Variants in ERC1 observed in about 807,000 individuals in gnomAD.
ERC1 encodes RAB6 interacting protein 2.
ERC1 carries 56 observed loss-of-function variants against 132.0 expected under a neutral mutation model. That is an observed-to-expected ratio of 0.42 (90% CI 0.34 to 0.53). The LOEUF (loss-of-function observed/expected upper bound fraction) is 0.53, where lower values mean the gene tolerates loss of function less well. Ranked by LOEUF, ERC1 falls within the 20% of genes least tolerant of loss-of-function variation. The pLI, the probability that ERC1 is intolerant of heterozygous loss-of-function variation, is 0.03. For missense variants in ERC1, 1,202 were observed against 1,349.9 expected (o/e 0.89, Z 1.72); for synonymous variants, 478 against 476.1 (o/e 1.00, Z -0.05).
At chr12:1,033,415 C>T (rs1968446883) in intron 2 of ERC1, among the ~76,000 whole-genome samples, 2 of 152,090 alleles carry the variant, frequency 1.3e-5, no homozygotes, top group African/African-American at 4.8e-5. Context: ...AGGTAATCCA[C>T]CTGCCTTGGC....
At chr12:1,296,010 GAAA>G (rs77971645) in intron 15 of ERC1, among the ~76,000 whole-genome samples, 7 of 90,478 alleles carry the variant, frequency 7.7e-5, no homozygotes, top group African/African-American at 2.4e-4. Context: ...TGGTTTAACA[GAAA>G]AAAAAAAAAA....
intron 7 of ERC1, among the ~76,000 whole-genome samples, chr12:1,118,457 G>A (rs1322105300): frequency 6.6e-6 from 1 of 152,176 alleles, no homozygotes. Flanking sequence ...TGTCATTCAT[G>A]AATGGTTTTT....
chr12:1,158,628 G>A (rs1593813995), intron 8 of ERC1, among the ~76,000 whole-genome samples: 1 of 139,404 alleles, frequency 7.2e-6, no homozygotes, highest in South Asian at 2.2e-4. Flanking sequence ...TTTTTTTATA[G>A]TTTTAGTAGA....
At position 1,490,392 on chromosome 12, in the gene ERC1, A is replaced by G. The variant is rs1460127567; in HGVS notation, c.*162A>G. ...TTCCAGCACCGTTTCTACATCTGCC[A>G]TCTTACTCTGCCTTTCTGCTTTGGA... On this transcript the variant is annotated 3_prime_UTR_variant, in exon 19 of 19. Transcript: ENST00000360905. 2 of 669,954 alleles carry G rather than the reference A, an allele frequency of 3.0e-6. No individual in the cohort carries two copies. Among genetic ancestry groups the G allele is most frequent in the Non-Finnish European group, 5.0e-6 (2 of 399,760 alleles). 41.5% of individuals were successfully genotyped at this position (669,954 alleles called of 1,614,324 possible). A position where few individuals can be genotyped will look rare whatever the true frequency, so the allele number is the denominator to read the frequency against.
intron 7 of ERC1, among the ~76,000 whole-genome samples, chr12:1,130,799 G>A (rs913939366): frequency 1.3e-5 from 2 of 152,104 alleles, no homozygotes; most frequent in Admixed American, 1.3e-4. Context: ...GGTCTGTAAT[G>A]CTGTCAGTCC....
chr12:1,048,687 T>C (rs1361393318), intron 2 of ERC1, among the ~76,000 whole-genome samples: 2 of 152,248 alleles, frequency 1.3e-5, no homozygotes, highest in African/African-American at 4.8e-5. Context: ...TGTTGTATTA[T>C]AAAAATTTTT....
At chr12:1,400,908 ATTTTTGTATTTTTTTTTTTTTTTT>A (rs1278974562) in intron 16 of ERC1, among the ~76,000 whole-genome samples, 921 of 43,382 alleles carry the variant, frequency 0.021, 70 homozygotes, top group African/African-American at 0.058. Context: ...TGTTTTGGCT[ATTTTTGTATTTTTTTTTTTTTTTT>A]TTTTTTTTTT....
intron 8 of ERC1, 71 bp downstream of exon 8, chr12:1,141,858 C>A: frequency 8.3e-7 from 1 of 1,212,044 alleles, no homozygotes; most frequent in South Asian, 2.2e-5. Context: ...TAAGTTATTT[C>A]TAAATGCTGT....
At chr12:1,372,851 A>G (rs1017993400) in intron 16 of ERC1, among the ~76,000 whole-genome samples, 11 of 152,188 alleles carry the variant, frequency 7.2e-5, no homozygotes, top group African/African-American at 2.7e-4. Flanking sequence ...ATTTTCTTCT[A>G]TTTTTGGAGG....
chr12:1,066,116 G>A (rs1044215018), intron 2 of ERC1, among the ~76,000 whole-genome samples: 11 of 152,284 alleles, frequency 7.2e-5, no homozygotes, highest in African/African-American at 2.4e-4. Context: ...CACTGTGAAC[G>A]TACTAAATGT....
chr12:1,362,857 T>C (rs918356696), intron 15 of ERC1, among the ~76,000 whole-genome samples: 3 of 152,242 alleles, frequency 2.0e-5, no homozygotes, highest in African/African-American at 7.2e-5. Flanking sequence ...TGGTTTAAAA[T>C]GGTCAATTTT....
intron 13 of ERC1, among the ~76,000 whole-genome samples, chr12:1,253,915 A>C (rs2076625218): frequency 6.6e-6 from 1 of 152,144 alleles, no homozygotes; most frequent in Non-Finnish European, 1.5e-5. Context: ...TAAGGAGATG[A>C]GGGATTCTTT....
At chr12:1,260,968 G>T (rs2077105565) in intron 13 of ERC1, among the ~76,000 whole-genome samples, 1 of 152,174 alleles carries the variant, frequency 6.6e-6, no homozygotes, top group Non-Finnish European at 1.5e-5. Context: ...ATAAGGCTGT[G>T]AACACTGAGC....
intron 17 of ERC1, chr12:1,430,650 A>G (rs12312261): frequency 0.49 from 75,271 of 152,350 alleles, 22,310 homozygotes; most frequent in African/African-American, 0.84. Flanking sequence ...AAAGTGCTGG[A>G]ATTACAGGCA....
intron 8 of ERC1, among the ~76,000 whole-genome samples, chr12:1,170,347 A>G (rs1952921690): frequency 6.6e-6 from 1 of 152,168 alleles, no homozygotes; most frequent in East Asian, 1.9e-4. Flanking sequence ...TTTTTTAAAA[A>G]ATTAAGCCTC....
intron 12 of ERC1, among the ~76,000 whole-genome samples, chr12:1,216,626 G>A (rs1017992969): frequency 1.4e-4 from 19 of 134,758 alleles, no homozygotes; most frequent in Non-Finnish European, 2.6e-4. Context: ...GGGGGGTGGG[G>A]GGCGGGGGGA....
At chr12:1,250,336 T>C (rs954868479) in intron 13 of ERC1, among the ~76,000 whole-genome samples, 4 of 152,226 alleles carry the variant, frequency 2.6e-5, no homozygotes, top group African/African-American at 9.6e-5. Context: ...CATTGTTCCT[T>C]AGCCTGAATG....
intron 15 of ERC1, among the ~76,000 whole-genome samples, chr12:1,301,425 T>C (rs2080392601): frequency 6.6e-6 from 1 of 152,168 alleles, no homozygotes. Context: ...TAAATGCTCA[T>C]CAGTGGTGGA....
intron 2 of ERC1, among the ~76,000 whole-genome samples, chr12:1,040,353 G>A (rs1478584234): frequency 2.3e-5 from 3 of 131,658 alleles, no homozygotes; most frequent in African/African-American, 5.8e-5. Flanking sequence ...ACGGAGTCTC[G>A]CTCTGTCAAC....
Sources: allele counts gnomAD v4.1 joint callset (sites outside exome capture counted in the v4.1 genomes callset), GRCh38; gene constraint gnomAD v4.1.1; transcripts MANE v1.5; gene names NCBI Gene and HGNC (gene_info 2026-07-23, HGNC 2026-07-21).